FHIT: variants seen among roughly 807,000 people sequenced by gnomAD.
The protein encoded by FHIT is bis(5'-adenosyl)-triphosphatase.
Under a neutral mutation model 17.9 loss-of-function variants are expected in FHIT, and 19 were observed. The observed-to-expected ratio is 1.06, with a 90% CI of 0.74 to 1.56. The LOEUF (loss-of-function observed/expected upper bound fraction) is 1.56. Among genes scored for constraint, FHIT ranks in the 40% most tolerant of loss-of-function variants. The pLI is 0.00. For synonymous variants in FHIT, 81 were observed against 69.7 expected (o/e 1.16, Z -0.81); for missense variants, 248 against 189.2 (o/e 1.31, Z -1.82).
chr3:59,905,181 A>G (rs1268607721), intron 8 of FHIT, among the ~76,000 whole-genome samples: 3 of 152,230 alleles, frequency 2.0e-5, no homozygotes, highest in Admixed American at 6.5e-5. Context: ...AAGCCCCAGA[A>G]AACCCTGGGG....
At chr3:60,524,325 G>A (rs2035493433) in intron 5 of FHIT, among the ~76,000 whole-genome samples, 2 of 152,082 alleles carry the variant, frequency 1.3e-5, no homozygotes, top group Non-Finnish European at 1.5e-5. Flanking sequence ...TTAAGATAAT[G>A]GGAAAGACTA....
rs916140331 is a variant in FHIT at position 60,115,929 on chromosome 3, T to C, written c.104-101777A>G. 7.2e-5 allele frequency among the ~76,000 whole-genome samples: 11 copies of C among 152,156 alleles called. 1 individual carries two copies. Among genetic ancestry groups the C allele is most frequent in the South Asian group, 2.1e-4 (1 of 4,820 alleles). On this transcript the variant is annotated intron_variant, in intron 5 of 9. Coordinates refer to ENST00000492590, the MANE Select transcript of FHIT (RefSeq NM_002012.4). ...ATTTTTTAAAGCACTGGAAGGAAAT[T>C]TACTCAAATGTTAATGATGGTTATA...
chr3:60,168,518 G>T (rs1701279981), intron 5 of FHIT, among the ~76,000 whole-genome samples: 3 of 152,308 alleles, frequency 2.0e-5, no homozygotes, highest in African/African-American at 7.2e-5. Flanking sequence ...TCTTGGAGAA[G>T]CAGGTGTCCA....
intron 5 of FHIT, among the ~76,000 whole-genome samples, chr3:60,191,418 TAGCAAGA>T (rs1258969570): frequency 6.6e-6 from 1 of 152,162 alleles, no homozygotes; most frequent in Non-Finnish European, 1.5e-5. Context: ...TCTCTCTAAC[TAGCAAGA>T]TAAAAAGCAG....
chr3:60,740,458 A>G (rs2042219289), intron 4 of FHIT, among the ~76,000 whole-genome samples: 1 of 152,218 alleles, frequency 6.6e-6, no homozygotes, highest in Non-Finnish European at 1.5e-5. Flanking sequence ...CCACAAAGCA[A>G]AAATTGTAAG....
rs1038473865 is a variant in FHIT at position 60,528,669 on chromosome 3, C to G, written c.103+8191G>C. 4.6e-5 allele frequency among the ~76,000 whole-genome samples: 7 copies of G among 152,282 alleles called. No individual in the cohort carries two copies. The East Asian group carries it at 1.2e-3, about 25-fold the overall frequency. On this transcript the variant is annotated intron_variant, in intron 5 of 9. Coordinates refer to ENST00000492590, the MANE Select transcript of FHIT (RefSeq NM_002012.4). ...CTTAGGAATATAAAGGAGCTTCTTC[C>G]ATCTGTTTTTCTCCCTCTAAAATCT...
chr3:59,953,142 T>C (rs1310955814), intron 7 of FHIT, among the ~76,000 whole-genome samples: 2 of 152,030 alleles, frequency 1.3e-5, no homozygotes, highest in Admixed American at 6.6e-5. Flanking sequence ...CATGTTACTG[T>C]GTTTCCATGT....
chr3:60,460,768 C>A (rs2032411688), intron 5 of FHIT, among the ~76,000 whole-genome samples: 1 of 152,128 alleles, frequency 6.6e-6, no homozygotes, highest in African/African-American at 2.4e-5. Context: ...GAATTCTGAT[C>A]CAATAGTCAC....
At position 60,949,697 on chromosome 3, in the gene FHIT, C is replaced by T. The variant is rs997088650; in HGVS notation, c.-111+92350G>A. Among the ~76,000 whole-genome samples, 18 of 152,060 alleles carry T rather than the reference C, an allele frequency of 1.2e-4. 1 individual carries two copies. Among genetic ancestry groups the T allele is most frequent in the South Asian group, 4.2e-4 (2 of 4,818 alleles). On this transcript the variant is annotated intron_variant, in intron 3 of 9. Coordinates refer to ENST00000492590, the MANE Select transcript of FHIT (RefSeq NM_002012.4). ...ATCAGTTATTAAAAATTCCTCTTCC[C>T]GGTCTCTGGTTAAAGTGGGTACCTA...
intron 2 of FHIT, among the ~76,000 whole-genome samples, chr3:61,166,472 T>C (rs1172030311): frequency 6.6e-6 from 1 of 152,244 alleles, no homozygotes; most frequent in African/African-American, 2.4e-5. Context: ...TCTTCTTGGA[T>C]CCTGGAATGT....
chr3:59,833,874 G>A (rs555036031), intron 8 of FHIT, among the ~76,000 whole-genome samples: 1 of 152,070 alleles, frequency 6.6e-6, no homozygotes, highest in East Asian at 1.9e-4. Context: ...TAAGTGTATG[G>A]CACTTCCCAC....
At chr3:60,305,230 G>C (rs747830270) in intron 5 of FHIT, among the ~76,000 whole-genome samples, 1 of 152,032 alleles carries the variant, frequency 6.6e-6, no homozygotes, top group African/African-American at 2.4e-5. Context: ...AGGAAACACT[G>C]CTCTCCCAAT....
At chr3:60,838,532 C>T (rs1286631897) in intron 3 of FHIT, among the ~76,000 whole-genome samples, 5 of 152,078 alleles carry the variant, frequency 3.3e-5, no homozygotes, top group African/African-American at 9.7e-5. Context: ...CTTAGTTTTC[C>T]TTCATCTGAT....
intron 4 of FHIT, among the ~76,000 whole-genome samples, chr3:60,606,962 C>T (rs1251064357): frequency 6.6e-6 from 1 of 152,146 alleles, no homozygotes; most frequent in Non-Finnish European, 1.5e-5. Flanking sequence ...TCTGATTCTG[C>T]TTGAATCCTT....
At chr3:60,135,304 T>C (rs111572532) in intron 5 of FHIT, among the ~76,000 whole-genome samples, 1,800 of 152,070 alleles carry the variant, frequency 0.012, 13 homozygotes, top group Middle Eastern at 0.027. Context: ...GCAAATAGCA[T>C]AAATATAAGA....
Position 60,155,474 on chromosome 3 carries a change from A to G in FHIT, c.104-141322T>C, listed in dbSNP as rs549535836. On this transcript the variant is annotated intron_variant, in intron 5 of 9. Transcript: ENST00000492590. ...AACAGTCCATTACTACTACCTGCCC[A>G]GTGTCCTTCCCCAATTCTGACAATA... Among the ~76,000 whole-genome samples the G allele has an allele frequency of 3.9e-5, 6 of 152,266 alleles. No homozygotes were observed. The South Asian group carries it at 8.3e-4, about 21-fold the overall frequency.
chr3:60,343,459 T>A (rs1370095091), intron 5 of FHIT, among the ~76,000 whole-genome samples: 2 of 152,160 alleles, frequency 1.3e-5, no homozygotes, highest in East Asian at 3.8e-4. Flanking sequence ...TTTGATTAGA[T>A]TTTTACCTGT....
chr3:60,418,402 ATATATATATATATATATATATATACG>A (rs1212073315), intron 5 of FHIT, among the ~76,000 whole-genome samples: 3 of 130,536 alleles, frequency 2.3e-5, no homozygotes, highest in African/African-American at 9.0e-5. Flanking sequence ...ATATATATAT[ATATATATATATATATATATATATACG>A]TGTATACACA....
intron 2 of FHIT, among the ~76,000 whole-genome samples, chr3:61,131,227 AGAGT>A (rs1341411266): frequency 1.3e-4 from 20 of 152,226 alleles, no homozygotes; most frequent in Non-Finnish European, 8.8e-5. Context: ...TGCTTTGCAC[AGAGT>A]GAGTACTCAG....
Sources: allele counts gnomAD v4.1 joint callset (sites outside exome capture counted in the v4.1 genomes callset), GRCh38; gene constraint gnomAD v4.1.1; transcripts MANE v1.5; gene names NCBI Gene and HGNC (gene_info 2026-07-23, HGNC 2026-07-21).